The following CTNNA2 variants were observed in gnomAD, a reference collection of about 807,000 sequenced individuals.
The protein encoded by CTNNA2 is catenin alpha 2, also known as catenin alpha-2.
In CTNNA2, 42 loss-of-function variants were observed where a neutral mutation model predicts 101.0. That is an observed-to-expected ratio of 0.42 (90% CI 0.32 to 0.54). CTNNA2 has a LOEUF of 0.54. CTNNA2 is among the 20% of genes least tolerant of loss of function. The pLI is 0.14. For missense variants in CTNNA2, 871 were observed against 1,223.1 expected, an observed-to-expected ratio of 0.71 and a Z score of 4.29; for synonymous variants, 450 against 456.4, an observed-to-expected ratio of 0.99 and a Z score of 0.18.
intron 7 of CTNNA2, among the ~76,000 whole-genome samples, chr2:80,064,769 T>C (rs1177903656): frequency 6.6e-6 from 1 of 152,218 alleles, no homozygotes; most frequent in Non-Finnish European, 1.5e-5. Context: ...GTTTGTATTA[T>C]GTTTTCTAAT....
intron 2 of CTNNA2, among the ~76,000 whole-genome samples, chr2:79,694,807 ATCT>A (rs1684547111): frequency 6.6e-6 from 1 of 151,946 alleles, no homozygotes; most frequent in South Asian, 2.1e-4. Flanking sequence ...GCTTCCTTAA[ATCT>A]TCTTTTGTCT....
At chr2:79,845,729 G>A (rs1680184077) in intron 3 of CTNNA2, among the ~76,000 whole-genome samples, 1 of 152,078 alleles carries the variant, frequency 6.6e-6, no homozygotes, top group South Asian at 2.1e-4. Context: ...TTGTCATATT[G>A]GATTTAGGGT....
At chr2:80,001,261 T>A (rs1295669965) in intron 7 of CTNNA2, among the ~76,000 whole-genome samples, 18 of 152,162 alleles carry the variant, frequency 1.2e-4, no homozygotes, top group Admixed American at 1.2e-3. Context: ...TCAGTGAAGG[T>A]GTCCAAAGTG....
At chr2:80,127,972 A>G (rs565130813) in intron 7 of CTNNA2, among the ~76,000 whole-genome samples, 107 of 152,160 alleles carry the variant, frequency 7.0e-4, no homozygotes, top group African/African-American at 2.4e-3. Flanking sequence ...ATATTCACTG[A>G]CATGTTTTGC....
intron 1 of CTNNA2, among the ~76,000 whole-genome samples, chr2:79,636,269 C>CAAAAAAAA (rs57739991): frequency 1.5e-5 from 1 of 67,260 alleles, no homozygotes; most frequent in African/African-American, 4.7e-5. Flanking sequence ...GACTCTGTCT[C>CAAAAAAAA]AAAAAAAAAA....
chr2:80,107,329 A>G lies in CTNNA2; in HGVS notation c.1056+197532A>G, dbSNP rs767317771. Among the ~76,000 whole-genome samples the G allele has an allele frequency of 6.1e-4, 93 of 152,282 alleles. 1 individual carries two copies. Among genetic ancestry groups the G allele is most frequent in the Middle Eastern group, 3.4e-3 (1 of 294 alleles). The stretch of plus-strand genomic sequence containing the variant: ...GTAGACTCAGTCAGTAGAGAGAGAA[A>G]CAGCTTGACTCGAGAGAGGGAACTT... On this transcript the variant is annotated intron_variant, in intron 7 of 18. Coordinates refer to ENST00000402739, the MANE Select transcript of CTNNA2 (RefSeq NM_001282597.3).
intron 7 of CTNNA2, among the ~76,000 whole-genome samples, chr2:80,312,974 T>G (rs996389318): frequency 6.6e-6 from 1 of 152,222 alleles, no homozygotes; most frequent in East Asian, 1.9e-4. Context: ...AACACTCTCA[T>G]TGAATTGAGT....
At chr2:79,348,841 C>T (rs969632853) in intron 3 of CTNNA2, among the ~76,000 whole-genome samples, 1 of 152,124 alleles carries the variant, frequency 6.6e-6, no homozygotes, top group Non-Finnish European at 1.5e-5. Flanking sequence ...CTTATTTGCC[C>T]CTCATCCCCC....
intron 7 of CTNNA2, among the ~76,000 whole-genome samples, chr2:80,359,434 G>A (rs1420217022): frequency 1.3e-5 from 2 of 152,134 alleles, no homozygotes; most frequent in African/African-American, 2.4e-5. Context: ...CAGTGTTGGA[G>A]GCGGAGCCTG....
At chr2:80,034,875 C>T (rs1046848511) in intron 7 of CTNNA2, among the ~76,000 whole-genome samples, 51 of 152,094 alleles carry the variant, frequency 3.4e-4, no homozygotes, top group Admixed American at 1.6e-3. Context: ...TTAGAAACAA[C>T]TACAAAAATT....
At chr2:80,602,871 A>G (rs1426405080) in intron 15 of CTNNA2, among the ~76,000 whole-genome samples, 1 of 152,130 alleles carries the variant, frequency 6.6e-6, no homozygotes, top group African/African-American at 2.4e-5. Context: ...GAAACCCAGT[A>G]TATTTTACTT....
chr2:79,743,779 C>T (rs761785857), intron 2 of CTNNA2, among the ~76,000 whole-genome samples: 9 of 152,182 alleles, frequency 5.9e-5, no homozygotes, highest in Non-Finnish European at 7.3e-5. Flanking sequence ...GGCGATCTGC[C>T]TGCCTCAGCC....
intron 4 of CTNNA2, among the ~76,000 whole-genome samples, chr2:79,388,060 A>G (rs1325797708): frequency 6.6e-6 from 1 of 152,126 alleles, no homozygotes; most frequent in African/African-American, 2.4e-5. Context: ...TGTGGTTTTT[A>G]CTCAATCAGA....
At chr2:80,620,331 A>G (rs1361863260) in intron 18 of CTNNA2, among the ~76,000 whole-genome samples, 17 of 151,858 alleles carry the variant, frequency 1.1e-4, no homozygotes, top group African/African-American at 3.9e-4. Flanking sequence ...TTCGGTTTAA[A>G]AATGAAGAGT....
intron 4 of CTNNA2, among the ~76,000 whole-genome samples, chr2:79,452,050 A>C (rs1225375021): frequency 1.3e-5 from 2 of 152,110 alleles, no homozygotes; most frequent in African/African-American, 4.8e-5. Context: ...AGGCAGTCTC[A>C]CACTGTCAGA....
intron 2 of CTNNA2, among the ~76,000 whole-genome samples, chr2:79,282,246 T>C (rs1675409199): frequency 6.6e-6 from 1 of 152,108 alleles, no homozygotes; most frequent in African/African-American, 2.4e-5. Flanking sequence ...ATAATCTTTT[T>C]TTAAAATTTG....
intron 2 of CTNNA2, among the ~76,000 whole-genome samples, chr2:79,297,060 A>T (rs896215130): frequency 1.3e-5 from 2 of 152,054 alleles, no homozygotes; most frequent in African/African-American, 2.4e-5. Context: ...ATTGATACTG[A>T]TCTCTGCCCC....
At chr2:79,988,880 C>T (rs1318943517) in intron 7 of CTNNA2, among the ~76,000 whole-genome samples, 1 of 152,132 alleles carries the variant, frequency 6.6e-6, no homozygotes, top group African/African-American at 2.4e-5. Context: ...CCTAAGTATA[C>T]ATTTTAGAAA....
intron 6 of CTNNA2, among the ~76,000 whole-genome samples, chr2:79,909,223 T>C (rs1342838373): frequency 1.3e-5 from 2 of 152,242 alleles, no homozygotes. Flanking sequence ...TTATTTATCA[T>C]GTTTTAGCTC....
Sources: gnomAD v4.1 joint callset for allele counts (sites outside exome capture counted in the v4.1 genomes callset) on GRCh38, gnomAD v4.1.1 for gene constraint, MANE v1.5 for transcripts, NCBI Gene and HGNC (gene_info 2026-07-23, HGNC 2026-07-21) for gene names.